The following NCOA2 variants were observed in gnomAD, a reference collection of about 807,000 sequenced individuals.
The protein encoded by NCOA2 is nuclear receptor coactivator 2, also known as class E basic helix-loop-helix protein 75.
In NCOA2, 21 loss-of-function variants were observed where a neutral mutation model predicts 145.1. The ratio of observed to expected loss-of-function variants is 0.14; its 90% CI spans 0.10 to 0.21. The LOEUF (loss-of-function observed/expected upper bound fraction) is 0.21. NCOA2 is among the 10% of genes least tolerant of loss of function. The pLI, the probability that NCOA2 is intolerant of heterozygous loss-of-function variation, is 1.00. For synonymous variants in NCOA2, 619 were observed against 637.5 expected, an observed-to-expected ratio of 0.97 and a Z score of 0.44; for missense variants, 1,472 against 1,837.6, an observed-to-expected ratio of 0.80 and a Z score of 3.64.
At chr8:70,121,425 G>C (rs199742279) in intron 21 of NCOA2, 34 bp from the exon 22 acceptor site, 1 of 1,544,356 alleles carries the variant, frequency 6.5e-7, no homozygotes, top group African/African-American at 1.4e-5. Context: ...TGGCTACGCA[G>C]AGCAGAATGT....
the NCOA2 span, among the ~76,000 whole-genome samples, chr8:70,439,716 G>A: frequency 6.6e-6 from 1 of 152,154 alleles, no homozygotes; most frequent in Non-Finnish European, 1.5e-5. Context: ...TGCCCACCTG[G>A]CTCAGTTTAC....
intron 1 of NCOA2, among the ~76,000 whole-genome samples, chr8:70,393,336 A>G (rs1479987622): frequency 6.6e-6 from 1 of 152,136 alleles, no homozygotes; most frequent in East Asian, 1.9e-4. Flanking sequence ...ACAATTAAGG[A>G]TTCGGATTAA....
At chr8:70,293,293 T>C (rs575705937) in intron 2 of NCOA2, among the ~76,000 whole-genome samples, 1 of 152,314 alleles carries the variant, frequency 6.6e-6, no homozygotes, top group African/African-American at 2.4e-5. Context: ...TTAAATCAGA[T>C]ATCTAATCAC....
intron 1 of NCOA2, among the ~76,000 whole-genome samples, chr8:70,320,100 G>A (rs895484936): frequency 6.6e-5 from 10 of 152,020 alleles, no homozygotes; most frequent in Admixed American, 3.9e-4. Context: ...TTGCAGTAAC[G>A]TGAAATCTTA....
At chr8:70,349,194 C>T (rs931250750) in intron 1 of NCOA2, among the ~76,000 whole-genome samples, 8 of 151,646 alleles carry the variant, frequency 5.3e-5, no homozygotes, top group African/African-American at 7.3e-5. Flanking sequence ...TAAAATGTGA[C>T]GTCAAGAAAA....
intron 1 of NCOA2, among the ~76,000 whole-genome samples, chr8:70,344,024 G>A (rs1312617360): frequency 2.0e-5 from 3 of 152,020 alleles, no homozygotes; most frequent in African/African-American, 7.2e-5. Flanking sequence ...AGCAACAAAA[G>A]CCTTTTTAAT....
At chr8:70,210,676 G>A (rs1818921125) in intron 4 of NCOA2, among the ~76,000 whole-genome samples, 1 of 152,080 alleles carries the variant, frequency 6.6e-6, no homozygotes, top group Non-Finnish European at 1.5e-5. Context: ...TAAAAGTTGA[G>A]AAGTAACTGA....
chr8:70,450,936 G>T, the NCOA2 span, among the ~76,000 whole-genome samples: 1 of 151,028 alleles, frequency 6.6e-6, no homozygotes, highest in Non-Finnish European at 1.5e-5. Context: ...GTTAGAACTG[G>T]CTGGGCACAG....
the NCOA2 span, among the ~76,000 whole-genome samples, chr8:70,420,347 T>G: frequency 1.3e-5 from 2 of 152,334 alleles, no homozygotes; most frequent in South Asian, 4.1e-4. Context: ...GTTCTTAATC[T>G]TGGCTGAAAT....
chr8:70,342,479 T>G lies in NCOA2; in HGVS notation c.-76-45679A>C, dbSNP rs73684279. Among the ~76,000 whole-genome samples, 1,026 of 152,184 alleles carry G rather than the reference T, an allele frequency of 6.7e-3. 12 individuals are homozygous for G. The highest frequency in any genetic ancestry group is 0.024 in the Middle Eastern group (7 of 294). ...CCTCTAATGTTTATACCAATGCAAA[T>G]TAAATTACTTTTATGTTAAAATGCT... On this transcript the variant is annotated intron_variant, in intron 1 of 22. Coordinates refer to ENST00000452400, the MANE Select transcript of NCOA2 (RefSeq NM_006540.4).
intron 11 of NCOA2, among the ~76,000 whole-genome samples, chr8:70,148,845 T>G (rs1811410232): frequency 6.6e-6 from 1 of 152,230 alleles, no homozygotes; most frequent in African/African-American, 2.4e-5. Flanking sequence ...GAATAGACTA[T>G]GACTTTGGTC....
chr8:70,400,904 A>G (rs993046544), intron 1 of NCOA2, among the ~76,000 whole-genome samples: 16 of 152,246 alleles, frequency 1.1e-4, no homozygotes, highest in Non-Finnish European at 1.6e-4. Flanking sequence ...CATTTTCCAC[A>G]TAAGATACCT....
chr8:70,232,958 A>G (rs950503196), intron 2 of NCOA2, among the ~76,000 whole-genome samples: 5 of 151,930 alleles, frequency 3.3e-5, no homozygotes, highest in Non-Finnish European at 7.4e-5. Flanking sequence ...CAGGCGCGGT[A>G]GCTCATGCCT....
chr8:70,162,339 C>T (rs996080548), intron 9 of NCOA2, among the ~76,000 whole-genome samples: 2 of 152,184 alleles, frequency 1.3e-5, no homozygotes, highest in African/African-American at 4.8e-5. Flanking sequence ...GTTACCTTCA[C>T]CAGGGGTTCA....
chr8:70,387,371 C>T (rs1273386360), intron 1 of NCOA2, among the ~76,000 whole-genome samples: 1 of 152,146 alleles, frequency 6.6e-6, no homozygotes, highest in Non-Finnish European at 1.5e-5. Context: ...GTCTAAAATC[C>T]CTTTAGATAT....
chr8:70,140,947 G>C (rs1259856255), intron 14 of NCOA2, among the ~76,000 whole-genome samples: 5 of 151,936 alleles, frequency 3.3e-5, no homozygotes, highest in African/African-American at 1.2e-4. Flanking sequence ...CCCCAAAGTT[G>C]AAATTAGGTA....
At chr8:70,213,859 A>G (rs751535648) in intron 4 of NCOA2, 44 bp downstream of exon 4, 2 of 1,495,784 alleles carry the variant, frequency 1.3e-6, no homozygotes. Flanking sequence ...AGGGAAAAAC[A>G]GAAACCAATT....
intron 1 of NCOA2, among the ~76,000 whole-genome samples, chr8:70,380,513 ATT>A (rs1812089657): frequency 6.6e-6 from 1 of 152,128 alleles, no homozygotes; most frequent in Non-Finnish European, 1.5e-5. Context: ...ACTGCTTAGC[ATT>A]TACGTTGTTT....
At chr8:70,329,537 C>G (rs1806892630) in intron 1 of NCOA2, among the ~76,000 whole-genome samples, 1 of 152,126 alleles carries the variant, frequency 6.6e-6, no homozygotes, top group South Asian at 2.1e-4. Flanking sequence ...CCACATGCCT[C>G]AGCCAAGACT....
Sources: allele counts gnomAD v4.1 joint callset (sites outside exome capture counted in the v4.1 genomes callset), GRCh38; gene constraint gnomAD v4.1.1; transcripts MANE v1.5; gene names NCBI Gene and HGNC (gene_info 2026-07-23, HGNC 2026-07-21).